Variants in COL22A1 observed in about 807,000 individuals in gnomAD.
COL22A1 encodes the protein collagen type XXII alpha 1 chain, also known as collagen alpha-1(XXII) chain.
COL22A1 carries 221 observed loss-of-function variants against 248.9 expected under a neutral mutation model. That is an observed-to-expected ratio of 0.89 (90% CI 0.80 to 0.99). The LOEUF (loss-of-function observed/expected upper bound fraction) is 0.99, where lower values mean the gene tolerates loss of function less well. COL22A1 is among the 50% of genes least tolerant of loss of function. The pLI, the probability that COL22A1 is intolerant of heterozygous loss-of-function variation, is 0.00. For synonymous variants in COL22A1, 891 were observed against 793.4 expected (o/e 1.12, Z -2.07); for missense variants, 2,240 against 2,179.0 (o/e 1.03, Z -0.56).
At chr8:138,631,424 A>C (rs1820711925) in intron 49 of COL22A1, among the ~76,000 whole-genome samples, 1 of 152,166 alleles carries the variant, frequency 6.6e-6, no homozygotes, top group Non-Finnish European at 1.5e-5. Context: ...AAAACAGTAA[A>C]TGAACTCACT....
chr8:138,767,882 G>A (rs1834033645), intron 16 of COL22A1, among the ~76,000 whole-genome samples: 3 of 152,224 alleles, frequency 2.0e-5, no homozygotes, highest in African/African-American at 7.2e-5. Flanking sequence ...CATTCAGTGT[G>A]GGAGGGAGAC....
At position 138,596,974 on chromosome 8, in the gene COL22A1, G is replaced by C. The variant is rs772825026; in HGVS notation, c.4366-4C>G. On this transcript the variant is annotated splice_polypyrimidine_tract_variant and splice_region_variant and intron_variant, in intron 61 of 64. Coordinates refer to ENST00000303045, the MANE Select transcript of COL22A1 (RefSeq NM_152888.3). ...TTTCCATGGATGGAGACTCCCCCTAGGAGGGAGGGAAGGTGGAGTCATTCA... is the reference window on the plus strand; with the variant it reads ...TTTCCATGGATGGAGACTCCCCCTACGAGGGAGGGAAGGTGGAGTCATTCA... The C allele has an allele frequency of 1.2e-6, 2 of 1,613,140 alleles. No homozygotes were observed. The highest frequency in any genetic ancestry group is 3.3e-5 in the Admixed American group (2 of 59,998).
intron 12 of COL22A1, among the ~76,000 whole-genome samples, chr8:138,785,097 G>C (rs971700763): frequency 6.6e-6 from 1 of 152,102 alleles, no homozygotes; most frequent in Non-Finnish European, 1.5e-5. Flanking sequence ...GGCAGGTTGG[G>C]GTAGTTCACA....
chr8:138,881,873 T>C (rs1449534434), intron 2 of COL22A1, among the ~76,000 whole-genome samples: 3 of 152,074 alleles, frequency 2.0e-5, no homozygotes, highest in Non-Finnish European at 4.4e-5. Flanking sequence ...CTCCTTCACA[T>C]CTAAGCACTG....
chr8:138,771,426 G>A (rs779181235), intron 16 of COL22A1, among the ~76,000 whole-genome samples: 4 of 152,224 alleles, frequency 2.6e-5, no homozygotes, highest in Non-Finnish European at 5.9e-5. Context: ...CATGGCCTCT[G>A]CGCTCAGTTT....
chr8:138,908,775 T>C (rs1464923815), intron 1 of COL22A1, among the ~76,000 whole-genome samples: 1 of 152,156 alleles, frequency 6.6e-6, no homozygotes, highest in Non-Finnish European at 1.5e-5. Flanking sequence ...TCAAAATCTA[T>C]CATAGGCAAA....
At chr8:138,649,242 C>T (rs952497675) in intron 46 of COL22A1, among the ~76,000 whole-genome samples, 1 of 152,110 alleles carries the variant, frequency 6.6e-6, no homozygotes, top group Non-Finnish European at 1.5e-5. Context: ...GTGTCATAAA[C>T]AGGTAATGAC....
chr8:138,730,059 C>A (rs909944926), intron 23 of COL22A1, among the ~76,000 whole-genome samples: 4 of 152,178 alleles, frequency 2.6e-5, no homozygotes, highest in Non-Finnish European at 5.9e-5. Flanking sequence ...GGCACTCCCC[C>A]AAAAGGAAGG....
At chr8:138,641,673 T>A (rs1252943621) in intron 47 of COL22A1, among the ~76,000 whole-genome samples, 1 of 152,116 alleles carries the variant, frequency 6.6e-6, no homozygotes, top group Non-Finnish European at 1.5e-5. Flanking sequence ...CAGCTGCAAA[T>A]CTGTAAGATA....
chr8:138,668,563 T>G (rs1824716065), intron 41 of COL22A1, among the ~76,000 whole-genome samples: 1 of 152,238 alleles, frequency 6.6e-6, no homozygotes, highest in South Asian at 2.1e-4. Flanking sequence ...CTTCTTTCTC[T>G]GCTGTCAGGC....
intron 49 of COL22A1, among the ~76,000 whole-genome samples, chr8:138,631,988 T>A (rs1226225769): frequency 6.6e-6 from 1 of 152,226 alleles, no homozygotes; most frequent in African/African-American, 2.4e-5. Flanking sequence ...AATAAATGAA[T>A]GAATTAGAAG....
intron 34 of COL22A1, 26 bp from the exon 35 acceptor site, chr8:138,693,725 G>A: frequency 6.4e-7 from 1 of 1,556,864 alleles, no homozygotes; most frequent in Non-Finnish European, 8.7e-7. Flanking sequence ...AAGAGGGGCG[G>A]GGGTAAGACA....
At chr8:138,637,963 ATCC>A (rs1821336084) in intron 47 of COL22A1, among the ~76,000 whole-genome samples, 1 of 152,044 alleles carries the variant, frequency 6.6e-6, no homozygotes, top group Admixed American at 6.6e-5. Flanking sequence ...CACCGTCATC[ATCC>A]TCATCTTCAC....
intron 64 of COL22A1, 115 bp from the exon 65 acceptor site, chr8:138,589,555 C>G (rs763940185): frequency 5.0e-6 from 4 of 803,586 alleles, no homozygotes; most frequent in Non-Finnish European, 5.5e-6. Flanking sequence ...CGTCCTCAGA[C>G]AGAGCATCCC....
At chr8:138,699,827 T>A (rs988947134) in intron 32 of COL22A1, among the ~76,000 whole-genome samples, 2 of 152,276 alleles carry the variant, frequency 1.3e-5, no homozygotes, top group African/African-American at 4.8e-5. Context: ...CTACTCTCTG[T>A]GTTACTGAAG....
At chr8:138,609,720 G>A (rs1818711233) in intron 56 of COL22A1, among the ~76,000 whole-genome samples, 1 of 151,782 alleles carries the variant, frequency 6.6e-6, no homozygotes, top group Non-Finnish European at 1.5e-5. Flanking sequence ...GGGAGGATAA[G>A]GGCCAAGACA....
chr8:138,703,631 T>C (rs1828153247), intron 30 of COL22A1, among the ~76,000 whole-genome samples: 2 of 152,340 alleles, frequency 1.3e-5, no homozygotes, highest in East Asian at 1.9e-4. Flanking sequence ...TATACTATTC[T>C]ATTGTGTAAA....
Position 138,598,738 on chromosome 8 carries a change from G to T in COL22A1, c.4346C>A (p.Pro1449Gln), listed in dbSNP as rs746435872. The change falls in exon 61 of 65, where the codon CCG becomes CAG. Residue 1449 changes from proline (P) to glutamine (Q), a missense_variant. Pro to Gln is a moderately conservative substitution (Grantham distance 76). Transcript: ENST00000303045. ...CCTTACCCTCAGTCCTGGAAATCCC[G>T]GCTGGCCTGGAGGCCCTGGGGGTCC... ...PVGPPGPPGQ[P>Q]GFPGLRGESP... is the part of the protein sequence containing the mutation. 5 of 1,613,650 alleles carry T rather than the reference G, an allele frequency of 3.1e-6. No homozygotes were observed. The highest frequency in any genetic ancestry group is 3.4e-6 in the Non-Finnish European group (4 of 1,179,856).
At chr8:138,870,184 T>C (rs531885180) in intron 3 of COL22A1, among the ~76,000 whole-genome samples, 1 of 151,760 alleles carries the variant, frequency 6.6e-6, no homozygotes, top group South Asian at 2.1e-4. Context: ...GTTGCGTACA[T>C]GGCCAATGGT....
Sources: allele counts gnomAD v4.1 joint callset (sites outside exome capture counted in the v4.1 genomes callset), GRCh38; gene constraint gnomAD v4.1.1; transcripts MANE v1.5; gene names NCBI Gene and HGNC (gene_info 2026-07-23, HGNC 2026-07-21).